Variants in TSHZ2 observed in about 807,000 individuals in gnomAD.
TSHZ2 encodes the protein teashirt zinc finger homeobox 2.
In TSHZ2, 21 loss-of-function variants were observed where a neutral mutation model predicts 74.4. The observed-to-expected ratio is 0.28, with a 90% CI of 0.20 to 0.41. The LOEUF (loss-of-function observed/expected upper bound fraction) is 0.41, where lower values mean the gene tolerates loss of function less well. Among genes scored for constraint, TSHZ2 ranks in the 10% least tolerant of loss-of-function variants. The probability of loss-of-function intolerance (pLI) is 1.00; values close to 1 mark genes in which losing one functional copy is unlikely to be tolerated. For missense variants in TSHZ2, 1,244 were observed against 1,293.5 expected (o/e 0.96, Z 0.59); for synonymous variants, 540 against 515.3 (o/e 1.05, Z -0.65).
At chr20:53,333,678 G>A (rs560344880) in intron 2 of TSHZ2, among the ~76,000 whole-genome samples, 33 of 152,228 alleles carry the variant, frequency 2.2e-4, no homozygotes, top group Non-Finnish European at 3.7e-4. Flanking sequence ...GGATGGTCTC[G>A]ATCTCCTGAC....
chr20:53,386,690 A>T (rs1263566946), intron 2 of TSHZ2, among the ~76,000 whole-genome samples: 1 of 152,176 alleles, frequency 6.6e-6, no homozygotes, highest in Non-Finnish European at 1.5e-5. Context: ...AGCTGTGTGT[A>T]TAAAACATTA....
chr20:53,225,714 T>C (rs1989669719), intron 1 of TSHZ2, among the ~76,000 whole-genome samples: 1 of 152,208 alleles, frequency 6.6e-6, no homozygotes, highest in Non-Finnish European at 1.5e-5. Flanking sequence ...CGCTTGTTCA[T>C]TGGCAGAACT....
At position 53,442,176 on chromosome 20, in the gene TSHZ2, A is replaced by G. The variant is rs117823247; in HGVS notation, c.*9-44968A>G. ...AAGGAAGATTTTAAGCAGGGAATGT[A>G]TGAGTGTGTGTACGTGTGTGTAAAG... On this transcript the variant is annotated intron_variant, in intron 2 of 2. Transcript: ENST00000371497. 3.9e-3 allele frequency among the ~76,000 whole-genome samples: 600 copies of G among 152,304 alleles called. 2 individuals carry two copies. The highest frequency in any genetic ancestry group is 0.037 in the South Asian group (180 of 4,824).
intron 1 of TSHZ2, among the ~76,000 whole-genome samples, chr20:53,150,455 G>C (rs1313968540): frequency 6.6e-6 from 1 of 152,088 alleles, no homozygotes; most frequent in Admixed American, 6.5e-5. Context: ...CACATAAATG[G>C]TTGAAAAATT....
At position 53,256,091 on chromosome 20, in the gene TSHZ2, G is replaced by A. The variant is rs1459437350; in HGVS notation, c.2633G>A (p.Gly878Asp). 6.2e-7 allele frequency: 1 copy of A among 1,614,108 alleles called. No individual in the cohort carries two copies. Among genetic ancestry groups the A allele is most frequent in the Non-Finnish European group, 8.5e-7 (1 of 1,180,012 alleles). ...SEGKYLLSDL[G>D]PQERMQISKF... Reference sequence around the variant, plus strand: ...GGCAAATACCTGCTGTCTGATCTGGGCCCACAAGAGCGTATGCAAATCTCT... The same window carrying A: ...GGCAAATACCTGCTGTCTGATCTGGACCCACAAGAGCGTATGCAAATCTCT... The change falls in exon 2 of 3, where the codon GGC becomes GAC. Residue 878 changes from glycine to aspartate, a missense_variant. Gly to Asp is a moderately conservative substitution (Grantham distance 94). Transcript: ENST00000371497. The surrounding 1 kb of genome is among the most constrained non-coding windows in gnomAD (Gnocchi z 4.3).
intron 1 of TSHZ2, among the ~76,000 whole-genome samples, chr20:53,249,956 A>G (rs1990289170): frequency 6.6e-6 from 1 of 152,176 alleles, no homozygotes; most frequent in South Asian, 2.1e-4. Flanking sequence ...AACCTAGGGG[A>G]CAAAACGGTG....
chr20:53,450,591 A>G (rs922940934), intron 2 of TSHZ2, among the ~76,000 whole-genome samples: 1 of 152,200 alleles, frequency 6.6e-6, no homozygotes, highest in Non-Finnish European at 1.5e-5. Flanking sequence ...TGGAACAAAC[A>G]TGGCTCACTT....
intron 2 of TSHZ2, among the ~76,000 whole-genome samples, chr20:53,396,037 C>T (rs945863101): frequency 2.0e-5 from 3 of 152,140 alleles, no homozygotes; most frequent in Non-Finnish European, 2.9e-5. Context: ...CCAGGTCCAC[C>T]GCATTCTCCT....
Position 53,109,330 on chromosome 20 carries a change from A to G in TSHZ2, c.40+135997A>G, listed in dbSNP as rs549082552. On this transcript the variant is annotated intron_variant, in intron 1 of 2. Transcript: ENST00000371497. ...TTCATGGGAGGGTGTGTCTGTCTCA[A>G]TCACCTATCATCTGTCTGTCGGTCT... Among the ~76,000 whole-genome samples the G allele has an allele frequency of 1.5e-4, 23 of 152,256 alleles. No individual in the cohort carries two copies. The South Asian group carries it at 4.2e-3, about 28-fold the overall frequency.
intron 1 of TSHZ2, among the ~76,000 whole-genome samples, chr20:52,983,338 G>A (rs1345274551): frequency 6.6e-6 from 1 of 152,168 alleles, no homozygotes; most frequent in African/African-American, 2.4e-5. Context: ...ATTTACATGG[G>A]TTCTTCCTCA....
At chr20:53,226,119 AACACAC>A (rs11470731) in intron 1 of TSHZ2, among the ~76,000 whole-genome samples, 18,406 of 147,398 alleles carry the variant, frequency 0.12, 1,283 homozygotes, top group Middle Eastern at 0.18. Context: ...GACTAAATTT[AACACAC>A]ACACACACAC....
intron 1 of TSHZ2, among the ~76,000 whole-genome samples, chr20:53,245,795 G>A (rs1304909146): frequency 1.3e-5 from 2 of 152,076 alleles, no homozygotes; most frequent in African/African-American, 4.8e-5. Flanking sequence ...GTCAGGCTTG[G>A]GATAGTCACT....
chr20:53,483,842 C>T lies in TSHZ2; in HGVS notation c.*9-3302C>T, dbSNP rs572240778. On this transcript the variant is annotated intron_variant, in intron 2 of 2. Coordinates refer to ENST00000371497, the MANE Select transcript of TSHZ2 (RefSeq NM_173485.6). ...AGGACAAACTTTGCCCTAAGAGAAA[C>T]TCAGTTAGAAAAGTCTGGGTGTTGA... Among the ~76,000 whole-genome samples the T allele has an allele frequency of 2.2e-4, 34 of 152,302 alleles. 1 individual carries two copies. The South Asian group carries it at 3.3e-3, about 15-fold the overall frequency.
intron 2 of TSHZ2, among the ~76,000 whole-genome samples, chr20:53,484,075 C>T (rs1986228746): frequency 6.6e-6 from 1 of 152,220 alleles, no homozygotes; most frequent in Non-Finnish European, 1.5e-5. Flanking sequence ...CTCCACTTTT[C>T]CTTTGACCCA....
At chr20:53,136,327 T>C (rs1987244458) in intron 1 of TSHZ2, among the ~76,000 whole-genome samples, 1 of 152,176 alleles carries the variant, frequency 6.6e-6, no homozygotes, top group African/African-American at 2.4e-5. Flanking sequence ...AGAGAGCGTA[T>C]ATTGGTGCAT....
chr20:52,976,517 A>G (rs902350112), intron 1 of TSHZ2, among the ~76,000 whole-genome samples: 1 of 152,210 alleles, frequency 6.6e-6, no homozygotes, highest in African/African-American at 2.4e-5. Context: ...TTCCCCTTCT[A>G]TGCATTTCAA....
intron 2 of TSHZ2, among the ~76,000 whole-genome samples, chr20:53,324,105 C>T (rs754231069): frequency 3.9e-5 from 6 of 152,178 alleles, no homozygotes; most frequent in Admixed American, 1.3e-4. Context: ...CCTGTCACTC[C>T]CTTCCACAGC....
intron 2 of TSHZ2, among the ~76,000 whole-genome samples, chr20:53,444,029 G>A (rs779475998): frequency 2.0e-5 from 3 of 152,072 alleles, no homozygotes; most frequent in East Asian, 1.9e-4. Flanking sequence ...GTTTAAGTAC[G>A]GTGGCCAGCC....
intron 2 of TSHZ2, among the ~76,000 whole-genome samples, chr20:53,424,191 A>G (rs1983581028): frequency 6.6e-6 from 1 of 152,166 alleles, no homozygotes; most frequent in Non-Finnish European, 1.5e-5. Context: ...TATGTGTAGG[A>G]TGTTTGCAGC....
Sources: allele counts gnomAD v4.1 joint callset (sites outside exome capture counted in the v4.1 genomes callset), GRCh38; gene constraint gnomAD v4.1.1; non-coding constraint Gnocchi (gnomAD v3.1); transcripts MANE v1.5; gene names NCBI Gene and HGNC (gene_info 2026-07-23, HGNC 2026-07-21).